ZNF708: variants seen among roughly 807,000 people sequenced by gnomAD.
The protein encoded by ZNF708 is zinc finger protein 708.
A neutral mutation model predicts 47.0 loss-of-function variants in ZNF708; 44 were observed. The observed-to-expected ratio is 0.94, with a 90% CI of 0.74 to 1.20. The LOEUF (loss-of-function observed/expected upper bound fraction) is 1.20, where lower values mean the gene tolerates loss of function less well. ZNF708 is among the 50% of genes most tolerant of loss of function. The pLI, the probability that ZNF708 is intolerant of heterozygous loss-of-function variation, is 0.00. For synonymous variants in ZNF708, 184 were observed against 218.5 expected, an observed-to-expected ratio of 0.84 and a Z score of 1.39; for missense variants, 557 against 656.0, an observed-to-expected ratio of 0.85 and a Z score of 1.65.
At chr19:21,306,380 T>C (rs944164986) in intron 3 of ZNF708, among the ~76,000 whole-genome samples, 1 of 152,122 alleles carries the variant, frequency 6.6e-6, no homozygotes, top group Admixed American at 6.5e-5. Context: ...AACTGAACAA[T>C]AAAGCTGAAT....
rs764940749 is a variant in ZNF708, at chr19:21,309,281, T to C, written c.191A>G (p.Asn64Ser). The change falls in exon 3 of 4, where the codon AAT (asparagine) becomes AGT (serine). Residue 64 changes from asparagine to serine, a missense_variant. Coordinates refer to ENST00000356929, the MANE Select transcript of ZNF708 (RefSeq NM_021269.3). ...GGCTGCCATCTCGTGTCTCTTCATA[T>C]TCCAGGGCTCTTTTCCTTGCTCCAG... ...TCLEQGKEPWNMKRHEMAAKP... is the reference protein window; with the variant it reads ...TCLEQGKEPWSMKRHEMAAKP... 1.2e-6 allele frequency: 2 copies of C among 1,605,252 alleles called. No homozygotes were observed. Among genetic ancestry groups the C allele is most frequent in the South Asian group, 1.1e-5 (1 of 90,806 alleles).
intron 3 of ZNF708, among the ~76,000 whole-genome samples, chr19:21,299,772 C>CAA (rs11311903): frequency 8.2e-5 from 9 of 110,246 alleles, no homozygotes; most frequent in African/African-American, 1.9e-4. Flanking sequence ...GACTCCATCT[C>CAA]AAAAAAAAAA....
chr19:21,305,750 C>T lies in ZNF708; in HGVS notation c.226+3496G>A, dbSNP rs868730378. Among the ~76,000 whole-genome samples, 13 of 152,182 alleles carry T rather than the reference C, an allele frequency of 8.5e-5. No homozygotes were observed. The South Asian group carries it at 1.2e-3, about 15-fold the overall frequency. ...TGCTGGGATTACAAGCGTGAGCCACCGGGCCTGGCCTAAAATTTTTAAATT... is the reference window on the plus strand; with the variant it reads ...TGCTGGGATTACAAGCGTGAGCCACTGGGCCTGGCCTAAAATTTTTAAATT... On this transcript the variant is annotated intron_variant, in intron 3 of 3. Coordinates refer to ENST00000356929, the MANE Select transcript of ZNF708 (RefSeq NM_021269.3).
intron 1 of ZNF708, among the ~76,000 whole-genome samples, chr19:21,324,256 C>A (rs913886220): frequency 6.8e-6 from 1 of 148,148 alleles, no homozygotes; most frequent in African/African-American, 2.5e-5. Context: ...AAAAAATAAA[C>A]TTAAGTGTTT....
At position 21,292,034 on chromosome 19, in the gene ZNF708, T is replaced by C. The variant is rs1972405109; in HGVS notation, c.*1240A>G. 1 of 152,138 alleles carries C rather than the reference T, an allele frequency of 6.6e-6. No individual in the cohort carries two copies. The highest frequency in any genetic ancestry group is 2.1e-4 in the South Asian group (1 of 4,808). The allele number at this position is 152,138 out of a possible 1,614,324, so 9.4% of individuals were successfully genotyped here. A position where few individuals can be genotyped will look rare whatever the true frequency, so the allele number is the denominator to read the frequency against. ...GTGTAATGTCTGAAGCATCCATACCTTAGTTTGTTTGTTTTTGAGATGGAG... is the reference window on the plus strand; with the variant it reads ...GTGTAATGTCTGAAGCATCCATACCCTAGTTTGTTTGTTTTTGAGATGGAG... On this transcript the variant is annotated 3_prime_UTR_variant, in exon 4 of 4. Coordinates refer to ENST00000356929, the MANE Select transcript of ZNF708 (RefSeq NM_021269.3).
At chr19:21,318,560 C>A (rs1973062284) in intron 1 of ZNF708, 1 of 152,174 alleles carries the variant, frequency 6.6e-6, no homozygotes, top group Non-Finnish European at 1.5e-5. Flanking sequence ...TAATGCACAG[C>A]TACTCTTGGC....
At chr19:21,311,902 C>T (rs1047646313) in intron 1 of ZNF708, among the ~76,000 whole-genome samples, 8 of 152,186 alleles carry the variant, frequency 5.3e-5, no homozygotes, top group African/African-American at 1.4e-4. Context: ...CCTATGGCCA[C>T]CCTTTTAGTG....
intron 1 of ZNF708, among the ~76,000 whole-genome samples, chr19:21,329,002 G>T (rs866403570): frequency 4.1e-4 from 63 of 152,336 alleles, no homozygotes; most frequent in African/African-American, 1.5e-3. Context: ...CAGTCACTGC[G>T]CAGGGAAGAG....
At chr19:21,323,336 C>T (rs1056328511) in intron 1 of ZNF708, among the ~76,000 whole-genome samples, 1 of 152,074 alleles carries the variant, frequency 6.6e-6, no homozygotes. Context: ...CTTAAGGAAA[C>T]TTTACTTAAG....
In ZNF708 at chr19:21,293,192, A is replaced by G. The variant is rs1289881717; in HGVS notation, c.*82T>C. ...GCCAGTTAAAGGCTTTGCCACATTTATCACATTTGTAGGATTTCTCTCCAG... is the reference window on the plus strand; with the variant it reads ...GCCAGTTAAAGGCTTTGCCACATTTGTCACATTTGTAGGATTTCTCTCCAG... On this transcript the variant is annotated 3_prime_UTR_variant, in exon 4 of 4. Transcript: ENST00000356929. 3 of 1,468,722 alleles carry G rather than the reference A, an allele frequency of 2.0e-6. No individual in the cohort carries two copies. The highest frequency in any genetic ancestry group is 2.8e-5 in the African/African-American group (2 of 70,258). The allele number at this position is 1,468,722 out of a possible 1,614,324, so 91.0% of individuals were successfully genotyped here. A position where few individuals can be genotyped will look rare whatever the true frequency, so the allele number is the denominator to read the frequency against.
intron 3 of ZNF708, among the ~76,000 whole-genome samples, chr19:21,299,566 C>T (rs1302262974): frequency 6.6e-6 from 1 of 151,714 alleles, no homozygotes; most frequent in Non-Finnish European, 1.5e-5. Flanking sequence ...GCCTGGCCAA[C>T]ATGGTGAAAC....
rs1384861916 is a variant in ZNF708 at position 21,293,642 on chromosome 19, G to C, written c.1324C>G (p.His442Asp). The change falls in exon 4 of 4, where the codon CAT becomes GAT. Residue 442 changes from histidine to aspartate, a missense_variant. By Grantham distance (81) the His-to-Asp change is moderately conservative. Coordinates refer to ENST00000356929, the MANE Select transcript of ZNF708 (RefSeq NM_021269.3). ...CATTTGTAGGGTTTGTCTTCAGTAT[G>C]AATTACTTTATGTTTAGTAAGGATT... Reference protein sequence around the residue: ...FSILTKHKVIHTEDKPYKCEE... With the variant: ...FSILTKHKVIDTEDKPYKCEE... The C allele has an allele frequency of 2.5e-6, 4 of 1,612,114 alleles. No homozygotes were observed. The African/African-American group carries it at 5.3e-5, about 22-fold the overall frequency.
chr19:21,294,792 T>G, intron 3 of ZNF708, 53 bp from the exon 4 acceptor site: 9 of 1,479,478 alleles, frequency 6.1e-6, no homozygotes, highest in Non-Finnish European at 8.1e-6. Flanking sequence ...CAGATTAATA[T>G]TTACAAATCT....
Position 21,294,746 on chromosome 19 carries a change from GAAATAA to G in ZNF708, c.227-13_227-8del. On this transcript the variant is annotated splice_polypyrimidine_tract_variant and splice_region_variant and intron_variant, in intron 3 of 3. Transcript: ENST00000356929. ...GCAAAATGAGAACACATAGCTGAAAGAAATAAAAATAACAAATTATTCCATTTACTC... is the reference window on the plus strand; with the variant it reads ...GCAAAATGAGAACACATAGCTGAAAGAAATAACAAATTATTCCATTTACTC... The G allele has an allele frequency of 6.4e-7, 1 of 1,554,548 alleles. No homozygotes were observed. Among genetic ancestry groups the G allele is most frequent in the Non-Finnish European group, 8.7e-7 (1 of 1,155,746 alleles).
chr19:21,297,250 A>G (rs1362652214), intron 3 of ZNF708, among the ~76,000 whole-genome samples: 4 of 11,224 alleles, frequency 3.6e-4, no homozygotes, highest in Non-Finnish European at 8.7e-4. Flanking sequence ...TAAGGTATAT[A>G]TATATATATA....
intron 3 of ZNF708, among the ~76,000 whole-genome samples, chr19:21,301,765 C>G (rs886540409): frequency 2.0e-5 from 3 of 152,082 alleles, no homozygotes; most frequent in African/African-American, 7.2e-5. Flanking sequence ...TCACTGCACT[C>G]CAACCTGGGC....
chr19:21,298,159 C>A (rs1972578718), intron 3 of ZNF708, among the ~76,000 whole-genome samples: 1 of 151,918 alleles, frequency 6.6e-6, no homozygotes, highest in Non-Finnish European at 1.5e-5. Context: ...GAATAGAAAA[C>A]TTGAAATCAG....
At chr19:21,307,121 TAAAATAA>T (rs1178696754) in intron 3 of ZNF708, among the ~76,000 whole-genome samples, 3 of 130,276 alleles carry the variant, frequency 2.3e-5, no homozygotes, top group Admixed American at 7.5e-5. Flanking sequence ...AAATAAAATA[TAAAATAA>T]AAAATAAAAT....
intron 3 of ZNF708, among the ~76,000 whole-genome samples, chr19:21,301,279 C>T (rs1972654242): frequency 1.3e-5 from 2 of 151,326 alleles, no homozygotes. Flanking sequence ...GAGTTCAAGA[C>T]CAGCCTGGCC....
Sources: allele counts gnomAD v4.1 joint callset (sites outside exome capture counted in the v4.1 genomes callset), GRCh38; gene constraint gnomAD v4.1.1; transcripts MANE v1.5; gene names NCBI Gene and HGNC (gene_info 2026-07-23, HGNC 2026-07-21).